The following BANF2 variants were observed in gnomAD, a reference collection of about 807,000 sequenced individuals.
BANF2 encodes the protein BANF family member 2, also known as barrier-to-autointegration factor-like protein.
Under a neutral mutation model 8.0 loss-of-function variants are expected in BANF2, and 4 were observed. The observed-to-expected ratio is 0.50, with a 90% confidence interval of 0.25 to 1.14. The LOEUF is 1.14. BANF2 is among the 50% of genes most tolerant of loss of function. BANF2 has a pLI of 0.16. For missense variants in BANF2, 96 were observed against 107.5 expected, an observed-to-expected ratio of 0.89 and a Z score of 0.47; for synonymous variants, 50 against 40.6, an observed-to-expected ratio of 1.23 and a Z score of -0.88.
chr20:17,733,526 C>A (rs2037931677), intron 3 of BANF2, among the ~76,000 whole-genome samples: 1 of 152,166 alleles, frequency 6.6e-6, no homozygotes, highest in Non-Finnish European at 1.5e-5. Flanking sequence ...TTGGACACAG[C>A]TCTATGTCTC....
intron 1 of BANF2, among the ~76,000 whole-genome samples, chr20:17,716,508 A>G (rs2093473516): frequency 6.6e-6 from 1 of 151,236 alleles, no homozygotes; most frequent in Non-Finnish European, 1.5e-5. Flanking sequence ...TAATTTTTGT[A>G]AAGACAAGGT....
rs114538885 is a variant in BANF2 at position 17,711,261 on chromosome 20, G to A, written c.-167+11206G>A. The stretch of plus-strand genomic sequence containing the variant: ...GCCTGCCCCCAGATGGCCTCCCCCG[G>A]GGCCCCCCTCCAGGGCCTGTAAAGC... On this transcript the variant is annotated intron_variant, in intron 1 of 3. Transcript: ENST00000246090. 4.5e-3 allele frequency among the ~76,000 whole-genome samples: 692 copies of A among 152,244 alleles called. 6 individuals are homozygous for A. The highest frequency in any genetic ancestry group is 0.016 in the African/African-American group (674 of 41,550).
chr20:17,721,307 T>C (rs374391971), intron 1 of BANF2, among the ~76,000 whole-genome samples: 29 of 152,318 alleles, frequency 1.9e-4, no homozygotes, highest in East Asian at 1.3e-3. Context: ...GGAGAGTTTC[T>C]GCGGGAGGTT....
chr20:17,726,147 A>G (rs1288405722), intron 3 of BANF2, among the ~76,000 whole-genome samples: 3 of 152,188 alleles, frequency 2.0e-5, no homozygotes, highest in African/African-American at 7.2e-5. Context: ...TTCTCTGGGG[A>G]ACAAATTTTA....
Position 17,726,181 on chromosome 20 carries a change from ATTATTTAT to A in BANF2, c.126+1045_126+1052del, listed in dbSNP as rs553868765. 8.6e-5 allele frequency among the ~76,000 whole-genome samples: 13 copies of A among 152,044 alleles called. No homozygotes were observed. The East Asian group carries it at 2.1e-3, about 25-fold the overall frequency. ...TAAATGAAAAAATTTTTGTACTTTTATTATTTATTTATTTATTTATTTGAGACAGGGTC... is the reference window on the plus strand; with the variant it reads ...TAAATGAAAAAATTTTTGTACTTTTATTATTTATTTATTTGAGACAGGGTC... On this transcript the variant is annotated intron_variant, in intron 3 of 3. Transcript: ENST00000246090.
At chr20:17,721,392 TTCTTTC>T (rs1030675504) in intron 1 of BANF2, among the ~76,000 whole-genome samples, 14 of 131,872 alleles carry the variant, frequency 1.1e-4, no homozygotes, top group Non-Finnish European at 2.0e-4. Flanking sequence ...CTTTCTTTCT[TTCTTTC>T]TTTTTTTTTT....
At chr20:17,718,531 A>G (rs540902870) in intron 1 of BANF2, among the ~76,000 whole-genome samples, 1 of 152,254 alleles carries the variant, frequency 6.6e-6, no homozygotes, top group South Asian at 2.1e-4. Flanking sequence ...GGTGGAAGAG[A>G]TGTCCCTTTT....
chr20:17,700,762 C>T (rs527866290), intron 1 of BANF2, among the ~76,000 whole-genome samples: 13 of 152,298 alleles, frequency 8.5e-5, no homozygotes, highest in South Asian at 2.1e-4. Context: ...CACCTGCACT[C>T]GGCTGAGGGT....
intron 1 of BANF2, among the ~76,000 whole-genome samples, chr20:17,705,420 G>A (rs1439865457): frequency 1.3e-5 from 2 of 152,138 alleles, no homozygotes; most frequent in Admixed American, 6.5e-5. Context: ...CAGACTCAGG[G>A]GCTGTCGAAT....
At chr20:17,699,272 A>G (rs192029648), upstream of BANF2, among the ~76,000 whole-genome samples, 11 of 152,210 alleles carry the variant, frequency 7.2e-5, no homozygotes, top group Non-Finnish European at 1.6e-4. Flanking sequence ...GAAACATTTT[A>G]TACTTTGCCC....
chr20:17,714,834 C>T (rs1336365842), intron 1 of BANF2, among the ~76,000 whole-genome samples: 1 of 152,116 alleles, frequency 6.6e-6, no homozygotes, highest in African/African-American at 2.4e-5. Context: ...TATAAATAGC[C>T]TCATGTCAGT....
At chr20:17,709,211 A>G (rs1442750761) in intron 1 of BANF2, among the ~76,000 whole-genome samples, 3 of 152,288 alleles carry the variant, frequency 2.0e-5, no homozygotes, top group South Asian at 2.1e-4. Context: ...CAGGCAAGTC[A>G]CTTAGAGCCG....
intron 3 of BANF2, 137 bp from the exon 4 acceptor site, chr20:17,735,528 G>T: frequency 1.9e-6 from 2 of 1,032,320 alleles, no homozygotes; most frequent in Non-Finnish European, 2.9e-6. Context: ...TTCAAGGACT[G>T]ACAGGCTCCC....
intron 1 of BANF2, among the ~76,000 whole-genome samples, chr20:17,713,577 T>C (rs2037608159): frequency 6.6e-6 from 1 of 152,212 alleles, no homozygotes; most frequent in East Asian, 1.9e-4. Context: ...ATGGCTGTAA[T>C]AATCCCAGCA....
chr20:17,735,842 C>T lies in BANF2; in HGVS notation c.*31C>T. 6.3e-7 allele frequency: 1 copy of T among 1,595,406 alleles called. No individual in the cohort carries two copies. Among genetic ancestry groups the T allele is most frequent in the East Asian group, 2.3e-5 (1 of 44,398 alleles). ...AACCTCATTGCTGCCCCCCACCACC[C>T]TCTGGGGAAAATGACGCCTTCTCCA... On this transcript the variant is annotated 3_prime_UTR_variant, in exon 4 of 4. Coordinates refer to ENST00000246090, the MANE Select transcript of BANF2 (RefSeq NM_178477.5).
chr20:17,729,369 A>T (rs2037860856), intron 3 of BANF2, among the ~76,000 whole-genome samples: 1 of 151,842 alleles, frequency 6.6e-6, no homozygotes, highest in Non-Finnish European at 1.5e-5. Context: ...TCTTTCTGCC[A>T]CCCCACCCAA....
chr20:17,729,425 T>C (rs1408342435), intron 3 of BANF2, among the ~76,000 whole-genome samples: 1 of 152,198 alleles, frequency 6.6e-6, no homozygotes, highest in East Asian at 1.9e-4. Context: ...GGGTGCCCCA[T>C]GTTGCGACAT....
chr20:17,720,276 T>G (rs1386591988), intron 1 of BANF2, among the ~76,000 whole-genome samples: 1 of 152,270 alleles, frequency 6.6e-6, no homozygotes, highest in African/African-American at 2.4e-5. Flanking sequence ...AAAGAGATAT[T>G]TGTGTACCCA....
chr20:17,709,373 A>G (rs1568809272), intron 1 of BANF2, among the ~76,000 whole-genome samples: 1 of 152,212 alleles, frequency 6.6e-6, no homozygotes, highest in African/African-American at 2.4e-5. Context: ...CAGGACACAC[A>G]AAATGTGAGA....
Sources: allele counts gnomAD v4.1 joint callset (sites outside exome capture counted in the v4.1 genomes callset), GRCh38; gene constraint gnomAD v4.1.1; transcripts MANE v1.5; gene names NCBI Gene and HGNC (gene_info 2026-07-23, HGNC 2026-07-21).